The following UBR3 variants were observed in gnomAD, a reference collection of about 807,000 sequenced individuals.
UBR3 encodes the protein ubiquitin protein ligase E3 component n-recognin 3.
In UBR3, 85 loss-of-function variants were observed where a neutral mutation model predicts 243.2. The observed-to-expected ratio is 0.35, with a 90% CI of 0.29 to 0.42. UBR3 has a LOEUF of 0.42. Ranked by LOEUF, UBR3 falls within the 10% of genes least tolerant of loss-of-function variation. The pLI, the probability that UBR3 is intolerant of heterozygous loss-of-function variation, is 1.00. For synonymous variants in UBR3, 748 were observed against 799.8 expected (o/e 0.94, Z 1.09); for missense variants, 1,686 against 2,300.8 (o/e 0.73, Z 5.47).
rs891854747 is a variant in UBR3 at position 169,954,490 on chromosome 2, G to A, written c.3546-3948G>A. Among the ~76,000 whole-genome samples the A allele has an allele frequency of 6.6e-5, 10 of 150,822 alleles. No homozygotes were observed. The East Asian group carries it at 1.6e-3, about 24-fold the overall frequency. The stretch of plus-strand genomic sequence containing the variant: ...ACTCCTGGGCTCAAGTGATCCCCCC[G>A]CCTCAGCCCCACAAAGTGGTGTGAT... On this transcript the variant is annotated intron_variant, in intron 23 of 38. Transcript: ENST00000272793.
chr2:169,960,336 C>T (rs887051837), intron 24 of UBR3, among the ~76,000 whole-genome samples: 3 of 151,628 alleles, frequency 2.0e-5, no homozygotes, highest in Non-Finnish European at 4.4e-5. Context: ...ACTTGGGTTC[C>T]AGCCCCAAGA....
intron 6 of UBR3, among the ~76,000 whole-genome samples, chr2:169,892,940 C>G (rs1266493551): frequency 6.6e-6 from 1 of 152,154 alleles, no homozygotes; most frequent in Non-Finnish European, 1.5e-5. Context: ...TAATTAAAAC[C>G]TTTGCTTTAG....
chr2:169,914,166 A>G lies in UBR3; in HGVS notation c.1866+20A>G. ...GACGAGGTATGTATATTTTTGATGT[A>G]TGTAAATTTTTTGATGTATGTAAAG... On this transcript the variant is annotated intron_variant, in intron 11 of 38. Coordinates refer to ENST00000272793, the MANE Select transcript of UBR3 (RefSeq NM_172070.4). The G allele has an allele frequency of 1.4e-6, 2 of 1,411,152 alleles. No homozygotes were observed. The highest frequency in any genetic ancestry group is 1.5e-5 in the South Asian group (1 of 67,140). The allele number at this position is 1,411,152 out of a possible 1,614,324, so 87.4% of individuals were successfully genotyped here. A position where few individuals can be genotyped will look rare whatever the true frequency, so the allele number is the denominator to read the frequency against.
intron 24 of UBR3, among the ~76,000 whole-genome samples, chr2:169,977,525 C>T (rs2088507951): frequency 6.6e-6 from 1 of 152,080 alleles, no homozygotes; most frequent in Non-Finnish European, 1.5e-5. Context: ...GTTACAGGTC[C>T]CAAAGCCCAA....
chr2:169,853,806 T>C (rs973201323), intron 1 of UBR3, among the ~76,000 whole-genome samples: 2 of 152,058 alleles, frequency 1.3e-5, no homozygotes, highest in South Asian at 4.1e-4. Flanking sequence ...TTTGTTTTTT[T>C]AAATCTGCAT....
At chr2:170,001,827 C>G (rs928467320) in intron 27 of UBR3, among the ~76,000 whole-genome samples, 3 of 139,356 alleles carry the variant, frequency 2.2e-5, no homozygotes, top group Non-Finnish European at 4.5e-5. Flanking sequence ...GCAGGAGAAT[C>G]ACTTGACTCT....
At chr2:169,993,599 T>G (rs1308097222) in intron 25 of UBR3, among the ~76,000 whole-genome samples, 1 of 152,154 alleles carries the variant, frequency 6.6e-6, no homozygotes, top group East Asian at 1.9e-4. Context: ...ATTATACAGG[T>G]GATGTTCCTT....
intron 31 of UBR3, among the ~76,000 whole-genome samples, chr2:170,032,509 T>A (rs1257228974): frequency 2.6e-5 from 4 of 151,904 alleles, no homozygotes; most frequent in Non-Finnish European, 5.9e-5. Flanking sequence ...TTGCGTTTAG[T>A]TGCCATGTCT....
intron 1 of UBR3, among the ~76,000 whole-genome samples, chr2:169,832,709 C>T (rs139094624): frequency 0.038 from 5,757 of 152,060 alleles, 198 homozygotes; most frequent in Admixed American, 0.1. Context: ...CCGAGGCAGG[C>T]GGATCACCTT....
Position 170,055,550 on chromosome 2 carries a change from G to T in UBR3, c.4751G>T (p.Arg1584Met). ...TCAGTTAAATGCAGCGAAGAAGATA[G>T]GTCAGCCTGGAAACACGCGGGAGCT... ...ALSVKCSEED[R>M]SAWKHAGALK... is the part of the protein sequence containing the mutation. Residue 1584 changes from arginine to methionine, a missense_variant, in exon 33 of 39, where the codon AGG (arginine) becomes ATG (methionine). By Grantham distance (91) the Arg-to-Met change is moderately conservative. Transcript: ENST00000272793. 1 of 1,613,580 alleles carries T rather than the reference G, an allele frequency of 6.2e-7. No homozygotes were observed. The highest frequency in any genetic ancestry group is 8.5e-7 in the Non-Finnish European group (1 of 1,179,630).
At chr2:170,017,578 C>G (rs1290468662) in intron 30 of UBR3, among the ~76,000 whole-genome samples, 1 of 142,668 alleles carries the variant, frequency 7.0e-6, no homozygotes, top group Non-Finnish European at 1.5e-5. Flanking sequence ...CACACACACA[C>G]ACACAGGGGG....
At chr2:169,938,396 G>A (rs1005437291) in intron 19 of UBR3, among the ~76,000 whole-genome samples, 5 of 151,758 alleles carry the variant, frequency 3.3e-5, no homozygotes, top group South Asian at 2.1e-4. Flanking sequence ...GAGTAGCTGG[G>A]ACTACAGACA....
At chr2:170,044,025 G>T (rs1334679400) in intron 32 of UBR3, among the ~76,000 whole-genome samples, 1 of 152,010 alleles carries the variant, frequency 6.6e-6, no homozygotes, top group Non-Finnish European at 1.5e-5. Context: ...TTAATTCCTA[G>T]GAAGTTCAGA....
At chr2:169,866,759 A>C (rs1188131000) in intron 1 of UBR3, among the ~76,000 whole-genome samples, 1 of 152,198 alleles carries the variant, frequency 6.6e-6, no homozygotes, top group Non-Finnish European at 1.5e-5. Context: ...GCAGATGTGG[A>C]AAATAGTATT....
At chr2:169,947,994 A>C (rs2105360244) in intron 22 of UBR3, 2 of 953,920 alleles carry the variant, frequency 2.1e-6, no homozygotes, top group Non-Finnish European at 2.5e-6. Context: ...GGAAATGGGG[A>C]AAAACCGCTT....
At chr2:169,968,185 C>A (rs1410388039) in intron 24 of UBR3, among the ~76,000 whole-genome samples, 4 of 152,118 alleles carry the variant, frequency 2.6e-5, no homozygotes, top group Non-Finnish European at 4.4e-5. Flanking sequence ...TCTGTCAGCT[C>A]AAACATTTAT....
At chr2:169,834,004 T>C (rs1022942376) in intron 1 of UBR3, among the ~76,000 whole-genome samples, 9 of 152,168 alleles carry the variant, frequency 5.9e-5, no homozygotes, top group Non-Finnish European at 4.4e-5. Flanking sequence ...GCCAGGCTGG[T>C]CTTGAACTCC....
At position 170,082,929 on chromosome 2, in the gene UBR3, T is replaced by C. The variant is rs547383939; in HGVS notation, c.*1086T>C. 3 of 152,700 alleles carry C rather than the reference T, an allele frequency of 2.0e-5. No homozygotes were observed. In the South Asian group the frequency reaches 6.2e-4, roughly 32 times the overall value. 9.5% of individuals were successfully genotyped at this position (152,700 alleles called of 1,614,324 possible). A position where few individuals can be genotyped will look rare whatever the true frequency, so the allele number is the denominator to read the frequency against. ...TTAGAAACTGCTGTGAAAAACAATTTATGTTTGCAGGGTTTAAAAATCAGT... is the reference window on the plus strand; with the variant it reads ...TTAGAAACTGCTGTGAAAAACAATTCATGTTTGCAGGGTTTAAAAATCAGT... On this transcript the variant is annotated 3_prime_UTR_variant, in exon 39 of 39. Coordinates refer to ENST00000272793, the MANE Select transcript of UBR3 (RefSeq NM_172070.4).
At chr2:169,918,993 C>T (rs1042756186) in intron 11 of UBR3, among the ~76,000 whole-genome samples, 4 of 152,068 alleles carry the variant, frequency 2.6e-5, no homozygotes, top group African/African-American at 9.7e-5. Context: ...CTGATTTAGC[C>T]TGAAGAACCC....
Sources: allele counts gnomAD v4.1 joint callset (sites outside exome capture counted in the v4.1 genomes callset), GRCh38; gene constraint gnomAD v4.1.1; transcripts MANE v1.5; gene names NCBI Gene and HGNC (gene_info 2026-07-23, HGNC 2026-07-21).